The following DAB1 variants were observed in gnomAD, a reference collection of about 807,000 sequenced individuals.
The protein encoded by DAB1 is disabled homolog 1.
A neutral mutation model predicts 64.6 loss-of-function variants in DAB1; 15 were observed. The observed-to-expected ratio is 0.23, with a 90% CI of 0.16 to 0.36. The LOEUF (loss-of-function observed/expected upper bound fraction) is 0.36. Ranked by LOEUF, DAB1 falls within the 10% of genes least tolerant of loss-of-function variation. The pLI, the probability that DAB1 is intolerant of heterozygous loss-of-function variation, is 1.00. For synonymous variants in DAB1, 235 were observed against 251.9 expected, an observed-to-expected ratio of 0.93 and a Z score of 0.64; for missense variants, 596 against 706.7, an observed-to-expected ratio of 0.84 and a Z score of 1.78.
At chr1:57,028,711 T>G (rs1377112884) in intron 9 of DAB1, among the ~76,000 whole-genome samples, 1 of 152,180 alleles carries the variant, frequency 6.6e-6, no homozygotes, top group Non-Finnish European at 1.5e-5. Context: ...ACTCTTGCTA[T>G]GTTTTAGCAA....
chr1:57,511,602 C>G (rs530707667), intron 7 of DAB1, among the ~76,000 whole-genome samples: 1 of 151,666 alleles, frequency 6.6e-6, no homozygotes, highest in Admixed American at 6.6e-5. Flanking sequence ...TTGTTTTTTT[C>G]TTTCTAGTTT....
intron 3 of DAB1, among the ~76,000 whole-genome samples, chr1:58,419,510 T>C (rs145766736): frequency 1.6e-3 from 245 of 152,314 alleles, no homozygotes; most frequent in African/African-American, 5.5e-3. Context: ...ATGTGAAGTA[T>C]ACTTTACTGG....
At position 58,504,409 on chromosome 1, in the gene DAB1, G is replaced by A. The variant is rs1219382250; in HGVS notation, n.257+1651C>T. Reference sequence around the variant, plus strand: ...CCACACAGCTAAAGGACTTGCTCCCGTGCTTCCTTCCGGATTCTGATTAGT... The same window carrying A: ...CCACACAGCTAAAGGACTTGCTCCCATGCTTCCTTCCGGATTCTGATTAGT... On this transcript the variant is annotated intron_variant and non_coding_transcript_variant, in intron 3 of 20. Transcript: ENST00000485760. Among the ~76,000 whole-genome samples the A allele has an allele frequency of 3.3e-5, 5 of 152,058 alleles. No individual in the cohort carries two copies. In the South Asian group the frequency reaches 6.2e-4, roughly 19 times the overall value.
At chr1:57,427,241 A>T (rs533314655), upstream of DAB1, among the ~76,000 whole-genome samples, 2 of 152,178 alleles carry the variant, frequency 1.3e-5, no homozygotes, top group Non-Finnish European at 2.9e-5. Context: ...TAATTCTAAA[A>T]TAGTTCATTT....
rs1401181863 is a variant in DAB1, at chr1:57,753,458, T to TC, written n.552-103794dup. On this transcript the variant is annotated intron_variant and non_coding_transcript_variant, in intron 6 of 20. Coordinates refer to the DAB1 transcript ENST00000485760. The stretch of plus-strand genomic sequence containing the variant: ...AGGAAAGGATTCCAATGTCTGGGTC[T>TC]CCTCCTTAGTAGCTCTCTGACTTCT... 7.2e-5 allele frequency among the ~76,000 whole-genome samples: 11 copies of TC among 152,310 alleles called. No homozygotes were observed. The East Asian group carries it at 2.1e-3, about 29-fold the overall frequency.
chr1:58,429,315 A>G (rs1334531542), intron 3 of DAB1, among the ~76,000 whole-genome samples: 1 of 152,196 alleles, frequency 6.6e-6, no homozygotes, highest in African/African-American at 2.4e-5. Flanking sequence ...AAGTTATAAG[A>G]CTGGATGAGA....
intron 1 of DAB1, among the ~76,000 whole-genome samples, chr1:57,315,565 C>CAT (rs1675123775): frequency 1.3e-5 from 2 of 152,064 alleles, no homozygotes; most frequent in African/African-American, 4.8e-5. Flanking sequence ...TGCAGTGGTG[C>CAT]GATCTCGGCT....
chr1:57,589,434 T>C (rs1168632722), intron 7 of DAB1, among the ~76,000 whole-genome samples: 1 of 151,962 alleles, frequency 6.6e-6, no homozygotes. Context: ...TATAAAGAGC[T>C]TCTACCAATA....
At chr1:58,293,075 G>A (rs1196894600) in intron 4 of DAB1, among the ~76,000 whole-genome samples, 1 of 152,204 alleles carries the variant, frequency 6.6e-6, no homozygotes, top group Non-Finnish European at 1.5e-5. Context: ...GCCAAGGCTT[G>A]AGTCTGTTGC....
At chr1:58,132,961 G>A (rs1653723202) in intron 5 of DAB1, among the ~76,000 whole-genome samples, 1 of 152,130 alleles carries the variant, frequency 6.6e-6, no homozygotes, top group Non-Finnish European at 1.5e-5. Flanking sequence ...TCAAAATTCT[G>A]AGATTTCTTT....
At position 58,070,585 on chromosome 1, in the gene DAB1, G is replaced by A. The variant is rs115100193; in HGVS notation, n.387+79926C>T. 1.3e-3 allele frequency among the ~76,000 whole-genome samples: 196 copies of A among 152,340 alleles called. 1 individual carries two copies. The highest frequency in any genetic ancestry group is 4.5e-3 in the African/African-American group (188 of 41,578). On this transcript the variant is annotated intron_variant and non_coding_transcript_variant, in intron 5 of 20. Coordinates refer to the DAB1 transcript ENST00000485760. ...TGTGTTCTAGAAATATTCCTCTGCT[G>A]CAGTGAACTGAGTTCATTTGAGAAG...
At chr1:57,723,125 T>C (rs907720805) in intron 6 of DAB1, among the ~76,000 whole-genome samples, 2 of 152,210 alleles carry the variant, frequency 1.3e-5, no homozygotes, top group East Asian at 1.9e-4. Context: ...TCTAGTCAAC[T>C]TGTCTAATTT....
At chr1:57,084,236 A>G (rs1339747373) in intron 4 of DAB1, among the ~76,000 whole-genome samples, 2 of 151,892 alleles carry the variant, frequency 1.3e-5, no homozygotes, top group Middle Eastern at 3.2e-3. Context: ...ATCTGGGCAC[A>G]GACATGTATA....
At chr1:57,876,110 TG>T (rs1454127348) in intron 1 of DAB1, 1 of 152,174 alleles carries the variant, frequency 6.6e-6, no homozygotes, top group Non-Finnish European at 1.5e-5. Flanking sequence ...TGCTCTTTTT[TG>T]TTAGAAGTCA....
chr1:57,396,139 G>A (rs907222357), intron 1 of DAB1, among the ~76,000 whole-genome samples: 1 of 152,172 alleles, frequency 6.6e-6, no homozygotes, highest in African/African-American at 2.4e-5. Flanking sequence ...AAATGCCAGC[G>A]CACTTCAGTG....
chr1:57,696,649 T>C (rs1006903877), intron 6 of DAB1, among the ~76,000 whole-genome samples: 2 of 152,138 alleles, frequency 1.3e-5, no homozygotes, highest in African/African-American at 4.8e-5. Context: ...TTGGTATTTG[T>C]CTAATTGAAC....
intron 1 of DAB1, among the ~76,000 whole-genome samples, chr1:57,395,914 A>G (rs1447973389): frequency 6.6e-6 from 1 of 152,228 alleles, no homozygotes; most frequent in African/African-American, 2.4e-5. Flanking sequence ...TGATATTACT[A>G]ATCCAGGAGG....
intron 6 of DAB1, among the ~76,000 whole-genome samples, chr1:57,741,563 A>C (rs1036328185): frequency 2.6e-5 from 4 of 152,222 alleles, no homozygotes; most frequent in Admixed American, 1.3e-4. Context: ...TCAGTTTCCC[A>C]GTTGGGACCA....
intron 2 of DAB1, among the ~76,000 whole-genome samples, chr1:58,509,308 A>C (rs1646036581): frequency 6.6e-6 from 1 of 152,174 alleles, no homozygotes. Context: ...TGTACGAACA[A>C]AGTGAGAATT....
Sources: allele counts gnomAD v4.1 joint callset (sites outside exome capture counted in the v4.1 genomes callset), GRCh38; gene constraint gnomAD v4.1.1; transcripts MANE v1.5; gene names NCBI Gene and HGNC (gene_info 2026-07-23, HGNC 2026-07-21).